The following MYO3A variants were observed in gnomAD, a reference collection of about 807,000 sequenced individuals.
MYO3A encodes the protein myosin IIIA.
MYO3A carries 180 observed loss-of-function variants against 192.7 expected under a neutral mutation model. The observed-to-expected ratio is 0.93, with a 90% CI of 0.83 to 1.06. The LOEUF (loss-of-function observed/expected upper bound fraction) is 1.06, where lower values mean the gene tolerates loss of function less well. Among genes scored for constraint, MYO3A ranks in the 50% least tolerant of loss-of-function variants. MYO3A has a pLI of 0.00. For synonymous variants in MYO3A, 628 were observed against 645.3 expected, an observed-to-expected ratio of 0.97 and a Z score of 0.41; for missense variants, 1,896 against 1,905.0, an observed-to-expected ratio of 1.00 and a Z score of 0.09.
At chr10:26,029,165 T>G (rs1042039056) in intron 10 of MYO3A, among the ~76,000 whole-genome samples, 2 of 152,202 alleles carry the variant, frequency 1.3e-5, no homozygotes, top group African/African-American at 4.8e-5. Context: ...TAGATTCTCA[T>G]GCTTGTGCTG....
At chr10:25,981,827 G>A (rs12247695) in intron 4 of MYO3A, among the ~76,000 whole-genome samples, 24,338 of 152,202 alleles carry the variant, frequency 0.16, 2,327 homozygotes, top group African/African-American at 0.24. Context: ...AGCAGCATGT[G>A]AAGACTCACA....
At position 26,201,510 on chromosome 10, in the gene MYO3A, C is replaced by A. The variant is rs535443650; in HGVS notation, c.4586+205C>A. Among the ~76,000 whole-genome samples, 8 of 151,646 alleles carry A rather than the reference C, an allele frequency of 5.3e-5. No individual in the cohort carries two copies. In the East Asian group the frequency reaches 1.5e-3, roughly 29 times the overall value. On this transcript the variant is annotated intron_variant, in intron 33 of 34. Coordinates refer to ENST00000642920, the MANE Select transcript of MYO3A (RefSeq NM_017433.5). Reference sequence around the variant, plus strand: ...CCTGGCTAACACGGTGAAACCCCGTCTCTACTAAAAATACAAAAAAAAAAA... The same window carrying A: ...CCTGGCTAACACGGTGAAACCCCGTATCTACTAAAAATACAAAAAAAAAAA...
chr10:26,152,991 C>G (rs1163723914), intron 23 of MYO3A, among the ~76,000 whole-genome samples: 1 of 152,186 alleles, frequency 6.6e-6, no homozygotes, highest in East Asian at 1.9e-4. Context: ...TACTTATCAC[C>G]TAGAAGAAGG....
At position 26,070,920 on chromosome 10, in the gene MYO3A, A is replaced by C. The variant is rs76619947; in HGVS notation, c.1359+519A>C. 9.7e-3 allele frequency among the ~76,000 whole-genome samples: 1,481 copies of C among 152,248 alleles called. 4 individuals carry two copies. The highest frequency in any genetic ancestry group is 0.016 in the Non-Finnish European group (1,091 of 67,952). On this transcript the variant is annotated intron_variant, in intron 14 of 34. Transcript: ENST00000642920. ...ATAAAAGACCTAAATAAACGAAGAG[A>C]TATAACATGATCATGGATTAAGTGA...
chr10:26,177,266 T>C (rs1039732645), intron 31 of MYO3A, among the ~76,000 whole-genome samples: 5 of 152,180 alleles, frequency 3.3e-5, no homozygotes, highest in African/African-American at 9.6e-5. Flanking sequence ...CAAGAAGTAT[T>C]GTTATTGAAC....
chr10:25,947,872 A>G (rs1836957812), intron 2 of MYO3A, among the ~76,000 whole-genome samples: 1 of 152,180 alleles, frequency 6.6e-6, no homozygotes, highest in South Asian at 2.1e-4. Context: ...AAAAAACAGG[A>G]CAAACATTTC....
chr10:26,167,101 C>T (rs1461850292), intron 27 of MYO3A, among the ~76,000 whole-genome samples: 2 of 152,054 alleles, frequency 1.3e-5, no homozygotes, highest in African/African-American at 4.8e-5. Context: ...AGGAAAAGAG[C>T]CAAGCTAAAG....
Position 26,174,317 on chromosome 10 carries a change from A to G in MYO3A, c.4053A>G (p.Val1351=). The G allele has an allele frequency of 6.2e-7, 1 of 1,614,206 alleles. No individual in the cohort carries two copies. Among genetic ancestry groups the G allele is most frequent in the Non-Finnish European group, 8.5e-7 (1 of 1,180,034 alleles). The change falls in exon 30 of 35, where the codon GTA becomes GTG. Residue 1351 remains valine (V), a synonymous_variant. Coordinates refer to ENST00000642920, the MANE Select transcript of MYO3A (RefSeq NM_017433.5). The part of the protein sequence containing the change: ...QAQEEEDKAA[V]FIQSKYRGYK... ...AGGAGGAAGAAGATAAAGCAGCGGT[A>G]TTCATTCAGAGCAAATACCGGGGTT... is the stretch of plus-strand genomic sequence containing the variant.
At chr10:26,039,207 ATTTTTT>A (rs34416918) in intron 10 of MYO3A, among the ~76,000 whole-genome samples, 9 of 106,846 alleles carry the variant, frequency 8.4e-5, no homozygotes, top group African/African-American at 3.1e-4. Context: ...GGCTCGGCTA[ATTTTTT>A]TTTTTTTTTT....
chr10:25,981,424 G>A (rs534020078), intron 4 of MYO3A, among the ~76,000 whole-genome samples: 1 of 152,072 alleles, frequency 6.6e-6, no homozygotes, highest in South Asian at 2.1e-4. Flanking sequence ...ACACAAAAAG[G>A]CACATTTTAT....
At chr10:26,168,625 A>T in intron 27 of MYO3A, 87 bp from the exon 28 acceptor site, 1 of 1,367,730 alleles carries the variant, frequency 7.3e-7, no homozygotes, top group Non-Finnish European at 1.0e-6. Flanking sequence ...CAAGCAATTT[A>T]GAATGTGTTC....
At chr10:25,952,502 C>T (rs79655251) in intron 3 of MYO3A, among the ~76,000 whole-genome samples, 1,813 of 152,154 alleles carry the variant, frequency 0.012, 46 homozygotes, top group African/African-American at 0.041. Context: ...TGCATAAGCA[C>T]GCAAAAATGC....
chr10:26,086,151 G>C (rs1463989404), intron 14 of MYO3A, among the ~76,000 whole-genome samples: 1 of 152,054 alleles, frequency 6.6e-6, no homozygotes. Flanking sequence ...CACATGGCTG[G>C]GAAGGCCTCA....
rs1039756755 is a variant in MYO3A at position 25,993,948 on chromosome 10, T to C, written c.304-2542T>C. Among the ~76,000 whole-genome samples the C allele has an allele frequency of 3.9e-5, 6 of 152,242 alleles. 1 individual carries two copies. Among genetic ancestry groups the C allele is most frequent in the Non-Finnish European group, 8.8e-5 (6 of 68,046 alleles). On this transcript the variant is annotated intron_variant, in intron 4 of 34. Coordinates refer to ENST00000642920, the MANE Select transcript of MYO3A (RefSeq NM_017433.5). ...TTACTTCCAACTATGTGGTCAGTTT[T>C]GGCATAGGTGCGGTGTGGTTCTGAG...
intron 14 of MYO3A, among the ~76,000 whole-genome samples, chr10:26,071,336 CA>C (rs141659727): frequency 0.061 from 9,262 of 151,196 alleles, 370 homozygotes; most frequent in Non-Finnish European, 0.089. Context: ...TAGGCCCATA[CA>C]AAAAAAAGAA....
Position 26,176,722 on chromosome 10 carries a change from TATTTC to T in MYO3A, c.4319_4323del (p.Phe1440SerfsTer7). 6.2e-7 allele frequency: 1 copy of T among 1,610,210 alleles called. No individual in the cohort carries two copies. The highest frequency in any genetic ancestry group is 8.5e-7 in the Non-Finnish European group (1 of 1,176,544). Reference sequence around the variant, plus strand: ...TTAGATATCAAAGTTATCTGAAGAATATTTCATTCTGCAGAAAAAATTGAATGAAA... The same window carrying T: ...TTAGATATCAAAGTTATCTGAAGAATATTCTGCAGAAAAAATTGAATGAAA... On this transcript the variant is annotated frameshift_variant, in exon 31 of 35. Coordinates refer to ENST00000642920, the MANE Select transcript of MYO3A (RefSeq NM_017433.5). LOFTEE classifies it high-confidence loss of function.
intron 7 of MYO3A, among the ~76,000 whole-genome samples, chr10:26,018,604 G>T (rs1842107643): frequency 6.6e-6 from 1 of 152,124 alleles, no homozygotes; most frequent in East Asian, 1.9e-4. Context: ...GCATTTGCTG[G>T]TTACATAAAG....
chr10:26,183,177 A>G (rs546577971), intron 31 of MYO3A, among the ~76,000 whole-genome samples: 57 of 152,272 alleles, frequency 3.7e-4, no homozygotes, highest in East Asian at 2.5e-3. Flanking sequence ...TGCCACAACT[A>G]GGAGAGACAT....
chr10:26,044,267 G>A (rs1055667454), intron 10 of MYO3A, among the ~76,000 whole-genome samples: 6 of 152,252 alleles, frequency 3.9e-5, no homozygotes, highest in African/African-American at 4.8e-5. Context: ...GCTGTGAGCT[G>A]TGCAGCCTGT....
Sources: allele counts gnomAD v4.1 joint callset (sites outside exome capture counted in the v4.1 genomes callset), GRCh38; gene constraint gnomAD v4.1.1; transcripts MANE v1.5; gene names NCBI Gene and HGNC (gene_info 2026-07-23, HGNC 2026-07-21).